PHC3: variants seen among roughly 807,000 people sequenced by gnomAD.
The protein encoded by PHC3 is polyhomeotic homolog 3.
PHC3 carries 13 observed loss-of-function variants against 107.4 expected under a neutral mutation model. That is an observed-to-expected ratio of 0.12 (90% confidence interval 0.08 to 0.19). The LOEUF (loss-of-function observed/expected upper bound fraction) is 0.19, where lower values mean the gene tolerates loss of function less well. Ranked by LOEUF, PHC3 falls within the 10% of genes least tolerant of loss-of-function variation. PHC3 has a pLI of 1.00. For synonymous variants in PHC3, 456 were observed against 427.4 expected, an observed-to-expected ratio of 1.07 and a Z score of -0.83; for missense variants, 992 against 1,210.9, an observed-to-expected ratio of 0.82 and a Z score of 2.68.
chr3:170,132,276 C>T (rs1467947756), intron 7 of PHC3, among the ~76,000 whole-genome samples: 2 of 152,172 alleles, frequency 1.3e-5, no homozygotes, highest in Non-Finnish European at 2.9e-5. Flanking sequence ...CTATACCAAT[C>T]CAACATACGA....
intron 11 of PHC3, among the ~76,000 whole-genome samples, chr3:170,111,312 A>AC (rs780924600): frequency 0.079 from 11,137 of 140,448 alleles, 663 homozygotes; most frequent in East Asian, 0.12. Context: ...GAAGGAAGGA[A>AC]GGAAGGAACG....
intron 7 of PHC3, among the ~76,000 whole-genome samples, chr3:170,134,674 C>T (rs770419950): frequency 3.3e-5 from 5 of 151,994 alleles, no homozygotes; most frequent in Middle Eastern, 3.2e-3. Context: ...ACCTAACATA[C>T]GTAAGTACGT....
At chr3:170,126,647 T>C (rs1319658196) in intron 8 of PHC3, among the ~76,000 whole-genome samples, 1 of 151,346 alleles carries the variant, frequency 6.6e-6, no homozygotes, top group Non-Finnish European at 1.5e-5. Context: ...GTTCAAGCCA[T>C]TCTTGTGCCT....
At chr3:170,165,753 C>CAAAA (rs1201987701) in intron 4 of PHC3, among the ~76,000 whole-genome samples, 5 of 41,112 alleles carry the variant, frequency 1.2e-4, no homozygotes, top group Admixed American at 3.3e-4. Flanking sequence ...GACCTTGTCT[C>CAAAA]AAAAAAAAAA....
chr3:170,140,864 C>A (rs1008925472), intron 6 of PHC3, among the ~76,000 whole-genome samples: 3 of 152,066 alleles, frequency 2.0e-5, no homozygotes, highest in African/African-American at 7.2e-5. Flanking sequence ...TCCCAAAGTG[C>A]TGGGATTACA....
chr3:170,153,720 G>A (rs1019708104), intron 4 of PHC3, among the ~76,000 whole-genome samples: 31 of 148,094 alleles, frequency 2.1e-4, no homozygotes, highest in African/African-American at 7.2e-4. Context: ...CCAAGATCGC[G>A]CCACTGCACT....
Position 170,096,139 on chromosome 3 carries a change from G to A in PHC3, c.*1091C>T, listed in dbSNP as rs974590694. The stretch of plus-strand genomic sequence containing the variant: ...ATCAGAATGAATTAGTACTTTCTGA[G>A]AGTTAAATTATTTGCATGTTTGTCC... On this transcript the variant is annotated 3_prime_UTR_variant, in exon 15 of 15. Transcript: ENST00000495893. The A allele has an allele frequency of 6.6e-6, 1 of 152,098 alleles. No homozygotes were observed. The highest frequency in any genetic ancestry group is 6.6e-5 in the Admixed American group (1 of 15,236). The allele number at this position is 152,098 out of a possible 1,614,324, so 9.4% of individuals were successfully genotyped here.
chr3:170,169,494 G>A (rs1217947294), intron 4 of PHC3, among the ~76,000 whole-genome samples: 3 of 152,114 alleles, frequency 2.0e-5, no homozygotes, highest in African/African-American at 7.2e-5. Context: ...AGCTCACAAC[G>A]GATAGTAAAT....
intron 4 of PHC3, among the ~76,000 whole-genome samples, chr3:170,161,120 T>C (rs767652617): frequency 6.6e-6 from 1 of 152,248 alleles, no homozygotes; most frequent in Non-Finnish European, 1.5e-5. Flanking sequence ...ACATGTATTT[T>C]TATAACACAT....
chr3:170,121,647 C>T (rs1338203656), intron 9 of PHC3, among the ~76,000 whole-genome samples: 2 of 152,072 alleles, frequency 1.3e-5, no homozygotes, highest in African/African-American at 2.4e-5. Context: ...TCCGGGCATG[C>T]ACCAAGAAGT....
At chr3:170,113,291 T>C (rs1443531341) in intron 11 of PHC3, 69 bp downstream of exon 11, 19 of 1,427,428 alleles carry the variant, frequency 1.3e-5, no homozygotes, top group Non-Finnish European at 1.8e-5. Context: ...AGAATAAAAA[T>C]CCACATCCTG....
At chr3:170,177,044 T>C in intron 2 of PHC3, 1 of 334,128 alleles carries the variant, frequency 3.0e-6, no homozygotes, top group Middle Eastern at 9.6e-4. Flanking sequence ...TAAGTAAACT[T>C]TACTTTCTCA....
chr3:170,140,689 G>A (rs1723948245), intron 6 of PHC3, among the ~76,000 whole-genome samples: 1 of 147,364 alleles, frequency 6.8e-6, no homozygotes, highest in Non-Finnish European at 1.5e-5. Context: ...CACATCTCGG[G>A]TGCAAGCGAT....
chr3:170,172,520 G>A (rs779246530), intron 3 of PHC3, 37 bp downstream of exon 3: 15 of 1,594,230 alleles, frequency 9.4e-6, no homozygotes, highest in Middle Eastern at 1.8e-4. Context: ...ACAGATAACA[G>A]AAACTTTGAT....
In PHC3 at chr3:170,102,575, T is replaced by G; in HGVS notation, c.2737A>C (p.Lys913Gln). ...ERELRDVRIR[K>Q]MPENSDLLPV... ...AGCAAGTCACTGTTCTCAGGCATTTTCCGAATTCTCACATCCCGAAGCTCA... is the reference window on the plus strand; with the variant it reads ...AGCAAGTCACTGTTCTCAGGCATTTGCCGAATTCTCACATCCCGAAGCTCA... The change falls in exon 14 of 15, where the codon AAA becomes CAA. Residue 913 changes from lysine (K) to glutamine (Q), a missense_variant. Around this residue, in one of 6 missense-constraint regions of PHC3, gnomAD observed 228 missense variants for 288.8 expected, o/e 0.79. Coordinates refer to ENST00000495893, the MANE Select transcript of PHC3 (RefSeq NM_024947.4). The G allele has an allele frequency of 3.1e-6, 5 of 1,613,960 alleles. No individual in the cohort carries two copies. The South Asian group carries it at 5.5e-5, about 18-fold the overall frequency.
At position 170,165,189 on chromosome 3, in the gene PHC3, A is replaced by G. The variant is rs545787494; in HGVS notation, c.414+6184T>C. Among the ~76,000 whole-genome samples the G allele has an allele frequency of 4.4e-4, 67 of 152,274 alleles. No individual in the cohort carries two copies. In the South Asian group the frequency reaches 5.8e-3, roughly 13 times the overall value. ...ATCCTTCAAGTGTCAATGGAGGCTAAATGGGGAACCTGCACTTGTACCCCC... is the reference window on the plus strand; with the variant it reads ...ATCCTTCAAGTGTCAATGGAGGCTAGATGGGGAACCTGCACTTGTACCCCC... On this transcript the variant is annotated intron_variant, in intron 4 of 14. Coordinates refer to ENST00000495893, the MANE Select transcript of PHC3 (RefSeq NM_024947.4).
In PHC3 at chr3:170,149,216, G is replaced by A; in HGVS notation, c.443C>T (p.Ala148Val). The A allele has an allele frequency of 6.2e-7, 1 of 1,612,764 alleles. No homozygotes were observed. The highest frequency in any genetic ancestry group is 1.3e-5 in the African/African-American group (1 of 75,004). Reference sequence around the variant, plus strand: ...AGCCTGGGAACGGCTTATTAACTGTGCAGGTGTAGGAGAAGTGGAGAGGTT... The same window carrying A: ...AGCCTGGGAACGGCTTATTAACTGTACAGGTGTAGGAGAAGTGGAGAGGTT... Reference protein sequence around the residue: ...SINLSTSPTPAQLISRSQASS... With the variant: ...SINLSTSPTPVQLISRSQASS... The change falls in exon 5 of 15, where the codon GCA (alanine) becomes GTA (valine). Residue 148 changes from alanine (A) to valine (V), a missense_variant. Physicochemically the swap from Ala to Val is moderately conservative, Grantham distance 64. Coordinates refer to ENST00000495893, the MANE Select transcript of PHC3 (RefSeq NM_024947.4).
At chr3:170,149,628 A>G (rs1024969851) in intron 4 of PHC3, among the ~76,000 whole-genome samples, 2 of 152,014 alleles carry the variant, frequency 1.3e-5, no homozygotes, top group East Asian at 1.9e-4. Flanking sequence ...CTAATTTTGT[A>G]TATTTTTATT....
intron 12 of PHC3, among the ~76,000 whole-genome samples, chr3:170,103,396 TAAC>T (rs1379650332): frequency 6.6e-6 from 1 of 152,184 alleles, no homozygotes; most frequent in African/African-American, 2.4e-5. Flanking sequence ...CTCAAGCAGC[TAAC>T]AAAAGATTTT....
Sources: gnomAD v4.1 joint callset for allele counts (sites outside exome capture counted in the v4.1 genomes callset) on GRCh38, gnomAD v4.1.1 for gene constraint, gnomAD v4.1.1 regional missense constraint, MANE v1.5 for transcripts, NCBI Gene and HGNC (gene_info 2026-07-23, HGNC 2026-07-21) for gene names.